The following ROBO1 variants were observed in gnomAD, a reference collection of about 807,000 sequenced individuals.
ROBO1 encodes the protein roundabout guidance receptor 1, also known as roundabout homolog 1.
ROBO1 carries 149 observed loss-of-function variants against 195.9 expected under a neutral mutation model. That is an observed-to-expected ratio of 0.76 (90% CI 0.67 to 0.87). The LOEUF is 0.87. Ranked by LOEUF, ROBO1 falls within the 40% of genes least tolerant of loss-of-function variation. The probability of loss-of-function intolerance (pLI) is 0.00; values close to 1 mark genes in which losing one functional copy is unlikely to be tolerated. For synonymous variants in ROBO1, 816 were observed against 733.2 expected, an observed-to-expected ratio of 1.11 and a Z score of -1.82; for missense variants, 1,933 against 2,068.3, an observed-to-expected ratio of 0.93 and a Z score of 1.27.
chr3:79,647,085 G>T (rs934545207), intron 1 of ROBO1, among the ~76,000 whole-genome samples: 2 of 151,768 alleles, frequency 1.3e-5, no homozygotes, highest in Admixed American at 6.6e-5. Flanking sequence ...ATAACAAAAA[G>T]AAAAATATTT....
intron 2 of ROBO1, among the ~76,000 whole-genome samples, chr3:79,166,890 GA>G (rs1350542328): frequency 6.6e-6 from 1 of 152,138 alleles, no homozygotes; most frequent in Non-Finnish European, 1.5e-5. Flanking sequence ...TTGAATTAAT[GA>G]ATCACTTAAC....
At chr3:78,909,599 A>G (rs2038128057) in intron 4 of ROBO1, among the ~76,000 whole-genome samples, 1 of 151,862 alleles carries the variant, frequency 6.6e-6, no homozygotes, top group Non-Finnish European at 1.5e-5. Context: ...CAACAAAATA[A>G]TTTATTTGTG....
intron 3 of ROBO1, among the ~76,000 whole-genome samples, chr3:78,965,517 G>GT (rs1399264561): frequency 2.6e-5 from 4 of 151,638 alleles, no homozygotes; most frequent in Admixed American, 2.6e-4. Flanking sequence ...TCTTTAGTGG[G>GT]AAAATCCCTT....
At chr3:79,171,819 A>G (rs531751258) in intron 2 of ROBO1, among the ~76,000 whole-genome samples, 1 of 152,246 alleles carries the variant, frequency 6.6e-6, no homozygotes, top group East Asian at 1.9e-4. Context: ...AATTGACTAT[A>G]TGAAATCTAT....
intron 4 of ROBO1, among the ~76,000 whole-genome samples, chr3:78,771,095 A>G (rs1200568145): frequency 6.6e-6 from 1 of 151,820 alleles, no homozygotes; most frequent in African/African-American, 2.4e-5. Context: ...ATCCACCTTG[A>G]GTTAGTTTTT....
rs192249778 is a variant in ROBO1, at chr3:78,606,867, C to T, written c.4610G>A (p.Gly1537Glu). Residue 1537 changes from glycine to glutamate, a missense_variant, in exon 29 of 31, where the codon GGA (glycine) becomes GAA (glutamate). Physicochemically the swap from Gly to Glu is moderately conservative, Grantham distance 98 (BLOSUM62 -2). Around this residue, in one of 3 missense-constraint regions of ROBO1, gnomAD observed 1,737 missense variants for 1,882.5 expected, o/e 0.92. Transcript: ENST00000464233. ...SSYKGREVLDGRQVVDMRTNP... is the reference protein window; with the variant it reads ...SSYKGREVLDERQVVDMRTNP... ...TGTTCGCATGTCAACAACCTGTCTT[C>T]CATCCAACACTTCTCTCCCCTTGTA... The T allele has an allele frequency of 8.1e-4, 1,315 of 1,613,874 alleles. No individual in the cohort carries two copies. The highest frequency in any genetic ancestry group is 1.2e-3 in the Admixed American group (73 of 59,992).
intron 2 of ROBO1, among the ~76,000 whole-genome samples, chr3:79,535,294 G>C (rs948890145): frequency 2.0e-5 from 3 of 152,090 alleles, no homozygotes; most frequent in African/African-American, 7.2e-5. Context: ...CATTATTGTA[G>C]AGCCTATGTC....
intron 4 of ROBO1, among the ~76,000 whole-genome samples, chr3:78,815,387 A>G (rs978473028): frequency 9.2e-5 from 14 of 152,142 alleles, no homozygotes; most frequent in Admixed American, 9.2e-4. Context: ...TAAACACACA[A>G]ATGATAAGAA....
At chr3:79,184,811 C>T (rs765861867) in intron 2 of ROBO1, among the ~76,000 whole-genome samples, 3 of 152,094 alleles carry the variant, frequency 2.0e-5, no homozygotes, top group Non-Finnish European at 2.9e-5. Flanking sequence ...CAAGAGTTTC[C>T]TTCTACAATA....
At chr3:78,676,452 A>C (rs997896970) in intron 10 of ROBO1, among the ~76,000 whole-genome samples, 2 of 152,218 alleles carry the variant, frequency 1.3e-5, no homozygotes, top group Non-Finnish European at 2.9e-5. Context: ...ATGTATAACT[A>C]GAATAACCAA....
chr3:78,866,652 C>T (rs1410705532), intron 4 of ROBO1, among the ~76,000 whole-genome samples: 2 of 152,098 alleles, frequency 1.3e-5, no homozygotes, highest in African/African-American at 4.8e-5. Flanking sequence ...AAATGAAATA[C>T]ATTTGGGAAT....
intron 3 of ROBO1, among the ~76,000 whole-genome samples, chr3:79,044,109 A>C (rs1475972724): frequency 6.8e-6 from 1 of 147,012 alleles, no homozygotes; most frequent in Non-Finnish European, 1.5e-5. Context: ...CACTAACAGT[A>C]ATGATAGTTG....
intron 1 of ROBO1, among the ~76,000 whole-genome samples, chr3:79,612,352 C>T (rs1443443287): frequency 6.8e-6 from 1 of 146,014 alleles, no homozygotes; most frequent in Non-Finnish European, 1.5e-5. Flanking sequence ...CTACAAAGGA[C>T]ATGAACTCAT....
At chr3:79,305,307 T>C (rs781299303) in intron 2 of ROBO1, among the ~76,000 whole-genome samples, 4 of 151,662 alleles carry the variant, frequency 2.6e-5, no homozygotes, top group Non-Finnish European at 5.9e-5. Context: ...GCCAATATGG[T>C]GAAAACCCGT....
intron 2 of ROBO1, among the ~76,000 whole-genome samples, chr3:79,162,386 G>C (rs1481075834): frequency 1.3e-5 from 2 of 152,082 alleles, no homozygotes; most frequent in African/African-American, 2.4e-5. Flanking sequence ...AATTAAGGTG[G>C]AACCTACATG....
intron 4 of ROBO1, among the ~76,000 whole-genome samples, chr3:78,825,945 T>C (rs982254415): frequency 6.6e-6 from 1 of 152,206 alleles, no homozygotes; most frequent in African/African-American, 2.4e-5. Flanking sequence ...CTGTGGTTAC[T>C]ACTGGAAGAA....
chr3:78,894,141 G>A (rs1288229802), intron 4 of ROBO1, among the ~76,000 whole-genome samples: 1 of 152,018 alleles, frequency 6.6e-6, no homozygotes, highest in Non-Finnish European at 1.5e-5. Context: ...TGGTTCTAAC[G>A]GTGGGAAAAT....
At chr3:79,725,515 C>T (rs1004721036) in intron 1 of ROBO1, among the ~76,000 whole-genome samples, 3 of 151,886 alleles carry the variant, frequency 2.0e-5, no homozygotes, top group Non-Finnish European at 1.5e-5. Context: ...CGTGAGCCAC[C>T]GCGCCCGGCC....
chr3:79,240,871 G>T (rs1438864375), intron 2 of ROBO1, among the ~76,000 whole-genome samples: 1 of 151,902 alleles, frequency 6.6e-6, no homozygotes. Context: ...TCAAACTCCT[G>T]GGTTCAAGTG....
Sources: allele counts gnomAD v4.1 joint callset (sites outside exome capture counted in the v4.1 genomes callset), GRCh38; gene constraint gnomAD v4.1.1; regional missense constraint gnomAD v4.1.1; transcripts MANE v1.5; gene names NCBI Gene and HGNC (gene_info 2026-07-23, HGNC 2026-07-21).